The following CEP112 variants were observed in gnomAD, a reference collection of about 807,000 sequenced individuals.
CEP112 encodes the protein centrosomal protein 112, also known as centrosomal protein of 112 kDa.
In CEP112, 127 loss-of-function variants were observed where a neutral mutation model predicts 153.0. The ratio of observed to expected loss-of-function variants is 0.83; its 90% CI spans 0.72 to 0.96. The LOEUF (loss-of-function observed/expected upper bound fraction) is 0.96. Ranked by LOEUF, CEP112 falls within the 40% of genes least tolerant of loss-of-function variation. The pLI is 0.00. For synonymous variants in CEP112, 358 were observed against 374.4 expected, an observed-to-expected ratio of 0.96 and a Z score of 0.51; for missense variants, 1,089 against 1,101.2, an observed-to-expected ratio of 0.99 and a Z score of 0.16.
intron 24 of CEP112, chr17:65,655,397 AAGAAC>A: frequency 6.7e-7 from 1 of 1,501,636 alleles, no homozygotes; most frequent in Non-Finnish European, 9.3e-7. Context: ...GTAAAGAACT[AAGAAC>A]AGTACATGAC....
At chr17:65,993,353 T>C (rs889000386) in intron 17 of CEP112, among the ~76,000 whole-genome samples, 1 of 152,214 alleles carries the variant, frequency 6.6e-6, no homozygotes, top group Non-Finnish European at 1.5e-5. Flanking sequence ...GATGAACATT[T>C]GGGTTGATTC....
At chr17:65,842,262 C>T (rs1877672815) in intron 21 of CEP112, among the ~76,000 whole-genome samples, 1 of 152,044 alleles carries the variant, frequency 6.6e-6, no homozygotes, top group African/African-American at 2.4e-5. Context: ...TAAACTAATT[C>T]ATTTATAATT....
At chr17:65,864,979 T>C (rs1433068705) in intron 20 of CEP112, among the ~76,000 whole-genome samples, 4 of 151,202 alleles carry the variant, frequency 2.6e-5, no homozygotes, top group Admixed American at 1.3e-4. Flanking sequence ...TACATATCTA[T>C]GTACCTTTTA....
At chr17:65,948,790 A>C (rs17697400) in intron 18 of CEP112, among the ~76,000 whole-genome samples, 62,854 of 151,732 alleles carry the variant, frequency 0.41, 14,396 homozygotes, top group East Asian at 0.87. Flanking sequence ...AAAAAGTTTA[A>C]GTCTGTTACA....
chr17:65,644,226 C>T (rs1223309784), intron 24 of CEP112: 1 of 655,162 alleles, frequency 1.5e-6, no homozygotes, highest in South Asian at 1.7e-5. Flanking sequence ...GCTGGGGGAA[C>T]TGGGGCATGA....
intron 23 of CEP112, among the ~76,000 whole-genome samples, chr17:65,691,373 A>G (rs780566915): frequency 6.6e-6 from 1 of 152,164 alleles, no homozygotes; most frequent in Non-Finnish European, 1.5e-5. Context: ...GAATCTGATG[A>G]AAGCTATGTA....
chr17:65,898,601 TA>T (rs1431340896), intron 20 of CEP112, among the ~76,000 whole-genome samples: 19 of 152,284 alleles, frequency 1.2e-4, no homozygotes, highest in Admixed American at 1.2e-3. Context: ...ATGCTCAGTG[TA>T]GGGAATTAAG....
In CEP112 at chr17:66,098,321, T is replaced by C. The variant is rs114366131; in HGVS notation, c.643-1689A>G. 6.2e-3 allele frequency among the ~76,000 whole-genome samples: 943 copies of C among 152,308 alleles called. 9 individuals are homozygous for C. Among genetic ancestry groups the C allele is most frequent in the African/African-American group, 0.022 (904 of 41,560 alleles). On this transcript the variant is annotated intron_variant, in intron 6 of 26. Transcript: ENST00000535342. ...CTAAACTCTGTTCAATTTAATTTCTTTAAGGTTTTTCTTTTAACATCCTGG... is the reference window on the plus strand; with the variant it reads ...CTAAACTCTGTTCAATTTAATTTCTCTAAGGTTTTTCTTTTAACATCCTGG...
At chr17:65,714,518 C>G (rs1460730276) in intron 23 of CEP112, among the ~76,000 whole-genome samples, 4 of 151,984 alleles carry the variant, frequency 2.6e-5, no homozygotes, top group African/African-American at 9.7e-5. Flanking sequence ...ACTGTCAGTT[C>G]AGAATGTGAG....
At chr17:65,907,360 T>C (rs1303804739) in intron 19 of CEP112, among the ~76,000 whole-genome samples, 1 of 152,194 alleles carries the variant, frequency 6.6e-6, no homozygotes, top group Non-Finnish European at 1.5e-5. Context: ...TAAACATAAA[T>C]AGTCATAAAT....
At chr17:65,914,034 G>GA (rs1213301056) in intron 19 of CEP112, 59 of 222,002 alleles carry the variant, frequency 2.7e-4, no homozygotes, top group Non-Finnish European at 3.7e-4. Flanking sequence ...GCTTCAAAAG[G>GA]GTTTTTTTTT....
At chr17:65,871,589 C>T (rs142369391) in intron 20 of CEP112, among the ~76,000 whole-genome samples, 26 of 152,260 alleles carry the variant, frequency 1.7e-4, no homozygotes, top group African/African-American at 5.3e-4. Flanking sequence ...GAGCCAAGAT[C>T]GCACCACTGC....
At chr17:66,022,458 C>T (rs1358434734) in intron 16 of CEP112, among the ~76,000 whole-genome samples, 1 of 151,974 alleles carries the variant, frequency 6.6e-6, no homozygotes, top group Non-Finnish European at 1.5e-5. Flanking sequence ...CCTGTAATCC[C>T]AGCACTTTGG....
At chr17:65,815,859 A>G (rs2056235941) in intron 21 of CEP112, among the ~76,000 whole-genome samples, 1 of 152,086 alleles carries the variant, frequency 6.6e-6, no homozygotes, top group African/African-American at 2.4e-5. Flanking sequence ...TGCTAACTTT[A>G]GTTATTGGTT....
intron 21 of CEP112, among the ~76,000 whole-genome samples, chr17:65,758,269 G>A (rs935170580): frequency 2.0e-5 from 3 of 152,020 alleles, no homozygotes; most frequent in Middle Eastern, 3.2e-3. Flanking sequence ...GGTTGTGCCC[G>A]TCCTCCTCCA....
chr17:65,779,052 A>T (rs1171223418), intron 21 of CEP112, among the ~76,000 whole-genome samples: 1 of 152,200 alleles, frequency 6.6e-6, no homozygotes, highest in Non-Finnish European at 1.5e-5. Context: ...TTTATATGCC[A>T]TAAATAGTTT....
At chr17:65,985,770 T>C (rs1264584981) in intron 17 of CEP112, among the ~76,000 whole-genome samples, 1 of 151,936 alleles carries the variant, frequency 6.6e-6, no homozygotes, top group African/African-American at 2.4e-5. Context: ...CAGGAGGTCA[T>C]ACAGCTCTGC....
At chr17:65,931,973 G>T (rs530987761) in intron 18 of CEP112, among the ~76,000 whole-genome samples, 2 of 152,268 alleles carry the variant, frequency 1.3e-5, no homozygotes, top group Admixed American at 1.3e-4. Context: ...CTGACCTTCA[G>T]CCCTGTCCAA....
At chr17:65,806,833 C>T (rs532480940) in intron 21 of CEP112, among the ~76,000 whole-genome samples, 2 of 152,160 alleles carry the variant, frequency 1.3e-5, no homozygotes, top group African/African-American at 4.8e-5. Context: ...ATTACCCAGT[C>T]TCAGTTCTTT....
Sources: allele counts gnomAD v4.1 joint callset (sites outside exome capture counted in the v4.1 genomes callset), GRCh38; gene constraint gnomAD v4.1.1; transcripts MANE v1.5; gene names NCBI Gene and HGNC (gene_info 2026-07-23, HGNC 2026-07-21).